CLSTN2: variants seen among roughly 807,000 people sequenced by gnomAD.
The protein encoded by CLSTN2 is calsyntenin 2, also known as calsyntenin-2.
A neutral mutation model predicts 101.2 loss-of-function variants in CLSTN2; 48 were observed. The observed-to-expected ratio is 0.47, with a 90% CI of 0.38 to 0.60. CLSTN2 has a LOEUF of 0.60. CLSTN2 is among the 20% of genes least tolerant of loss of function. CLSTN2 has a pLI of 0.00. For missense variants in CLSTN2, 1,160 were observed against 1,238.2 expected (o/e 0.94, Z 0.95); for synonymous variants, 481 against 463.6 (o/e 1.04, Z -0.48).
At chr3:140,455,877 G>T (rs1326651876) in intron 6 of CLSTN2, among the ~76,000 whole-genome samples, 2 of 152,246 alleles carry the variant, frequency 1.3e-5, no homozygotes, top group Admixed American at 1.3e-4. Flanking sequence ...AATGCAGCTT[G>T]ATGGTTTCTG....
At position 140,000,955 on chromosome 3, in the gene CLSTN2, C is replaced by T. The variant is rs560413825; in HGVS notation, c.109+65472C>T. On this transcript the variant is annotated intron_variant, in intron 1 of 16. Transcript: ENST00000458420. ...TGGCATGTGTCTTGATTCTGAGGCT[C>T]GTAAAATGAAGGCGCTTGTTGGACT... is the stretch of plus-strand genomic sequence containing the variant. Among the ~76,000 whole-genome samples the T allele has an allele frequency of 1.1e-4, 17 of 152,188 alleles. No homozygotes were observed. The South Asian group carries it at 1.2e-3, about 11-fold the overall frequency.
At chr3:140,414,481 C>T (rs922109814) in intron 4 of CLSTN2, among the ~76,000 whole-genome samples, 5 of 151,908 alleles carry the variant, frequency 3.3e-5, no homozygotes, top group Admixed American at 6.6e-5. Flanking sequence ...AAGCCAAATA[C>T]TGCACATTTT....
At chr3:140,351,007 G>T (rs2087599963) in intron 2 of CLSTN2, among the ~76,000 whole-genome samples, 1 of 152,184 alleles carries the variant, frequency 6.6e-6, no homozygotes, top group Non-Finnish European at 1.5e-5. Flanking sequence ...GAGAGAATTA[G>T]TGCTGAGGAA....
At chr3:140,560,742 C>T (rs533076400) in intron 12 of CLSTN2, among the ~76,000 whole-genome samples, 1 of 152,262 alleles carries the variant, frequency 6.6e-6, no homozygotes, top group African/African-American at 2.4e-5. Flanking sequence ...ACACTCCCTA[C>T]CTCAGGGAGC....
chr3:140,381,377 G>A (rs1284032901), intron 2 of CLSTN2, among the ~76,000 whole-genome samples: 1 of 152,010 alleles, frequency 6.6e-6, no homozygotes, highest in African/African-American at 2.4e-5. Flanking sequence ...ATCTTTTTTG[G>A]GGGGACACAT....
intron 1 of CLSTN2, among the ~76,000 whole-genome samples, chr3:140,068,212 TG>T (rs1289419116): frequency 6.6e-6 from 1 of 152,238 alleles, no homozygotes; most frequent in Non-Finnish European, 1.5e-5. Flanking sequence ...AGGTTGGAGA[TG>T]ACACTGAAAT....
At chr3:140,473,911 C>T (rs746400984) in intron 8 of CLSTN2, among the ~76,000 whole-genome samples, 72 of 152,178 alleles carry the variant, frequency 4.7e-4, no homozygotes, top group Non-Finnish European at 8.7e-4. Context: ...GCACCCGCTA[C>T]CACGCCAGGC....
At chr3:140,245,293 TTAATTC>T (rs1291347271) in intron 2 of CLSTN2, among the ~76,000 whole-genome samples, 1 of 152,196 alleles carries the variant, frequency 6.6e-6, no homozygotes, top group Admixed American at 6.5e-5. Context: ...TAAATTTTAT[TTAATTC>T]TAATTTAACT....
chr3:140,065,356 CCTTACCA>C (rs2008281919), intron 1 of CLSTN2, among the ~76,000 whole-genome samples: 1 of 152,160 alleles, frequency 6.6e-6, no homozygotes, highest in African/African-American at 2.4e-5. Context: ...CTAGGGAGCC[CCTTACCA>C]CTTACTCACC....
intron 10 of CLSTN2, among the ~76,000 whole-genome samples, chr3:140,551,531 A>T (rs1935698853): frequency 1.3e-5 from 2 of 152,034 alleles, no homozygotes; most frequent in Non-Finnish European, 2.9e-5. Context: ...GGGAAAGAGC[A>T]AGAACTTTAG....
At chr3:140,123,816 A>G (rs1361148663) in intron 1 of CLSTN2, among the ~76,000 whole-genome samples, 1 of 136,686 alleles carries the variant, frequency 7.3e-6, no homozygotes, top group East Asian at 2.2e-4. Flanking sequence ...ATATATATAT[A>G]TATACACATA....
intron 2 of CLSTN2, among the ~76,000 whole-genome samples, chr3:140,379,849 T>A (rs2087960503): frequency 6.6e-6 from 1 of 152,228 alleles, no homozygotes; most frequent in African/African-American, 2.4e-5. Context: ...GTATGATCTC[T>A]ACTATTTAAT....
rs574087975 is a variant in CLSTN2 at position 140,402,881 on chromosome 3, CTCCCTCAAAG to C, written c.233-747_233-738del. On this transcript the variant is annotated intron_variant, in intron 2 of 16. Coordinates refer to ENST00000458420, the MANE Select transcript of CLSTN2 (RefSeq NM_022131.3). The stretch of plus-strand genomic sequence containing the variant: ...CTCTGGGCTCTTGGCCTCTGTTTTG[CTCCCTCAAAG>C]CCTATAGCTAAACTCTTTTCTCTAA... Among the ~76,000 whole-genome samples, 53 of 152,296 alleles carry C rather than the reference CTCCCTCAAAG, an allele frequency of 3.5e-4. 1 individual carries two copies. In the South Asian group the frequency reaches 0.011, roughly 30 times the overall value.
At chr3:140,032,004 G>A (rs573217736) in intron 1 of CLSTN2, among the ~76,000 whole-genome samples, 2 of 152,138 alleles carry the variant, frequency 1.3e-5, no homozygotes, top group Non-Finnish European at 2.9e-5. Flanking sequence ...ACTCTGTAGC[G>A]ATGGGAACAC....
intron 1 of CLSTN2, among the ~76,000 whole-genome samples, chr3:140,152,674 G>C (rs1397735668): frequency 6.6e-6 from 1 of 152,186 alleles, no homozygotes; most frequent in Non-Finnish European, 1.5e-5. Flanking sequence ...GTGGGTAGGA[G>C]CTGTTTTGGA....
At chr3:140,364,431 G>C (rs2087762329) in intron 2 of CLSTN2, among the ~76,000 whole-genome samples, 2 of 152,152 alleles carry the variant, frequency 1.3e-5, no homozygotes, top group Non-Finnish European at 2.9e-5. Context: ...CTTCCTCTTT[G>C]CACACCATTT....
intron 8 of CLSTN2, among the ~76,000 whole-genome samples, chr3:140,518,772 A>G (rs1346297888): frequency 6.6e-6 from 1 of 152,148 alleles, no homozygotes; most frequent in Non-Finnish European, 1.5e-5. Context: ...TCACGACGTG[A>G]GCCTCCACAT....
At chr3:139,983,885 A>G (rs1935977242) in intron 1 of CLSTN2, among the ~76,000 whole-genome samples, 1 of 152,194 alleles carries the variant, frequency 6.6e-6, no homozygotes, top group Non-Finnish European at 1.5e-5. Context: ...ATTAAAACCC[A>G]GTAGTCTAAT....
At chr3:140,330,653 G>A (rs939370330) in intron 2 of CLSTN2, among the ~76,000 whole-genome samples, 2 of 152,150 alleles carry the variant, frequency 1.3e-5, no homozygotes, top group African/African-American at 2.4e-5. Flanking sequence ...CCAAGATAAA[G>A]GTTCACCATA....
Sources: gnomAD v4.1 joint callset for allele counts (sites outside exome capture counted in the v4.1 genomes callset) on GRCh38, gnomAD v4.1.1 for gene constraint, MANE v1.5 for transcripts, NCBI Gene and HGNC (gene_info 2026-07-23, HGNC 2026-07-21) for gene names.